CAMTA1: variants seen among roughly 807,000 people sequenced by gnomAD.
The protein encoded by CAMTA1 is calmodulin binding transcription activator 1, also known as calmodulin-binding transcription activator 1.
In CAMTA1, 27 loss-of-function variants were observed where a neutral mutation model predicts 170.9. The observed-to-expected ratio is 0.16, with a 90% CI of 0.12 to 0.22. The LOEUF is 0.22. Ranked by LOEUF, CAMTA1 falls within the 10% of genes least tolerant of loss-of-function variation. The pLI is 1.00. For synonymous variants in CAMTA1, 833 were observed against 891.5 expected (o/e 0.93, Z 1.17); for missense variants, 1,619 against 2,217.2 (o/e 0.73, Z 5.42).
At chr1:7,756,082 A>T (rs2150217407) in intron 22 of CAMTA1, among the ~76,000 whole-genome samples, 1 of 152,226 alleles carries the variant, frequency 6.6e-6, no homozygotes, top group Non-Finnish European at 1.5e-5. Flanking sequence ...TGCTTTGTCA[A>T]AATTTCTAAA....
chr1:6,882,558 C>T (rs1671911941), intron 3 of CAMTA1, among the ~76,000 whole-genome samples: 1 of 152,070 alleles, frequency 6.6e-6, no homozygotes, highest in South Asian at 2.1e-4. Flanking sequence ...TTACTGAGAT[C>T]AGGAAGACTG....
chr1:6,791,471 G>T (rs1231566578), intron 1 of CAMTA1, among the ~76,000 whole-genome samples: 1 of 152,086 alleles, frequency 6.6e-6, no homozygotes, highest in Admixed American at 6.5e-5. Flanking sequence ...GTAGGATTTT[G>T]GAAATTTTTT....
chr1:7,112,343 A>G (rs1411709959), intron 4 of CAMTA1, among the ~76,000 whole-genome samples: 1 of 152,200 alleles, frequency 6.6e-6, no homozygotes, highest in African/African-American at 2.4e-5. Flanking sequence ...AATAACACCC[A>G]TATTTCCATT....
At chr1:6,822,374 T>C (rs1646591639) in intron 2 of CAMTA1, among the ~76,000 whole-genome samples, 1 of 152,352 alleles carries the variant, frequency 6.6e-6, no homozygotes, top group South Asian at 2.1e-4. Flanking sequence ...ACTTCACCTG[T>C]AGAAACACTG....
At chr1:7,162,416 C>A in intron 4 of CAMTA1, among the ~76,000 whole-genome samples, 1 of 152,124 alleles carries the variant, frequency 6.6e-6, no homozygotes, top group East Asian at 1.9e-4. Flanking sequence ...CAGTTTTCAT[C>A]ATCCCCAAAG....
rs1023327275 is a variant in CAMTA1, at chr1:7,532,220, G to A, written c.510+64319G>A. ...TGTGGCCTTCGGATTCTTGGTGGAG[G>A]GGACATTCTTGCACACTAGTGCCCT... is the stretch of plus-strand genomic sequence containing the variant. On this transcript the variant is annotated intron_variant, in intron 6 of 22. Coordinates refer to ENST00000303635, the MANE Select transcript of CAMTA1 (RefSeq NM_015215.4). The surrounding 1 kb of genome is among the most constrained non-coding windows in gnomAD (Gnocchi z 4.2). 6.6e-6 allele frequency among the ~76,000 whole-genome samples: 1 copy of A among 152,196 alleles called. No individual in the cohort carries two copies. The highest frequency in any genetic ancestry group is 6.5e-5 in the Admixed American group (1 of 15,276).
At chr1:6,933,486 C>T (rs994904424) in intron 3 of CAMTA1, among the ~76,000 whole-genome samples, 4 of 152,140 alleles carry the variant, frequency 2.6e-5, no homozygotes, top group Non-Finnish European at 5.9e-5. Context: ...TCTGTAATTC[C>T]TGATCTCAAG....
At chr1:7,658,875 G>A (rs905022080) in intron 7 of CAMTA1, among the ~76,000 whole-genome samples, 1 of 152,210 alleles carries the variant, frequency 6.6e-6, no homozygotes, top group African/African-American at 2.4e-5. Flanking sequence ...CCTCCAGGGA[G>A]CCCAAGATGA....
intron 6 of CAMTA1, among the ~76,000 whole-genome samples, chr1:7,501,961 C>G (rs1387204436): frequency 1.3e-5 from 2 of 152,216 alleles, no homozygotes; most frequent in African/African-American, 4.8e-5. Context: ...TTGCAGCAAG[C>G]CTGAGTCTCT....
At chr1:7,223,069 C>G (rs1661088200) in intron 4 of CAMTA1, among the ~76,000 whole-genome samples, 1 of 152,258 alleles carries the variant, frequency 6.6e-6, no homozygotes, top group Admixed American at 6.5e-5. Context: ...TTCCTCTCGC[C>G]CTTGCGGGCC....
chr1:7,594,462 C>T (rs566256407), intron 6 of CAMTA1, among the ~76,000 whole-genome samples: 42 of 152,266 alleles, frequency 2.8e-4, no homozygotes, highest in African/African-American at 9.6e-4. Context: ...TTATTCAAAT[C>T]GCAGGGGATG....
At chr1:7,326,329 A>C (rs1458601088) in intron 5 of CAMTA1, among the ~76,000 whole-genome samples, 1 of 152,254 alleles carries the variant, frequency 6.6e-6, no homozygotes, top group Non-Finnish European at 1.5e-5. Context: ...GCAAAGCTGG[A>C]GAGATAAATG....
chr1:7,701,574 C>G (rs781138757), intron 11 of CAMTA1, among the ~76,000 whole-genome samples: 1 of 152,004 alleles, frequency 6.6e-6, no homozygotes, highest in South Asian at 2.1e-4. Flanking sequence ...CACCACCACA[C>G]CCCGCTAATT....
intron 22 of CAMTA1, among the ~76,000 whole-genome samples, chr1:7,759,339 G>C (rs139362970): frequency 1.7e-4 from 26 of 152,252 alleles, no homozygotes; most frequent in African/African-American, 5.8e-4. Context: ...AATACCACTT[G>C]TGTCTTGAAA....
intron 3 of CAMTA1, among the ~76,000 whole-genome samples, chr1:6,884,414 C>T (rs1229907727): frequency 6.6e-6 from 1 of 151,696 alleles, no homozygotes; most frequent in Admixed American, 6.6e-5. Flanking sequence ...TTTTTAGCCT[C>T]GTAGGCCAGG....
rs2096222054 is a variant in CAMTA1, at chr1:7,682,823, C to T, written c.2914+5090C>T. Reference sequence around the variant, plus strand: ...CAGATCCACCCAGCCCACCTCCGAGCAACCCTCAGCTGGCCCATGAACACA... The same window carrying T: ...CAGATCCACCCAGCCCACCTCCGAGTAACCCTCAGCTGGCCCATGAACACA... On this transcript the variant is annotated intron_variant, in intron 11 of 22. Coordinates refer to ENST00000303635, the MANE Select transcript of CAMTA1 (RefSeq NM_015215.4). This position sits in a 1 kb window ranked among gnomAD's most constrained non-coding sequence, Gnocchi z 5.0. Among the ~76,000 whole-genome samples, 1 of 152,202 alleles carries T rather than the reference C, an allele frequency of 6.6e-6. No homozygotes were observed. The highest frequency in any genetic ancestry group is 1.5e-5 in the Non-Finnish European group (1 of 68,030).
chr1:6,916,419 C>T (rs535345548), intron 3 of CAMTA1, among the ~76,000 whole-genome samples: 2 of 151,580 alleles, frequency 1.3e-5, no homozygotes, highest in Admixed American at 6.6e-5. Context: ...AACTGCTTTC[C>T]GAGTTTCTGC....
chr1:7,594,518 G>A (rs903664407), intron 6 of CAMTA1, among the ~76,000 whole-genome samples: 5 of 152,330 alleles, frequency 3.3e-5, no homozygotes, highest in African/African-American at 1.2e-4. Context: ...TGATTGATGT[G>A]TTTTAAAAGC....
chr1:7,692,118 G>A (rs1480245753), intron 11 of CAMTA1, among the ~76,000 whole-genome samples: 1 of 152,116 alleles, frequency 6.6e-6, no homozygotes, highest in Non-Finnish European at 1.5e-5. Context: ...GCTGGGTAGG[G>A]TGTCCAGGAC....
Sources: allele counts gnomAD v4.1 joint callset (sites outside exome capture counted in the v4.1 genomes callset), GRCh38; gene constraint gnomAD v4.1.1; non-coding constraint Gnocchi (gnomAD v3.1); transcripts MANE v1.5; gene names NCBI Gene and HGNC (gene_info 2026-07-23, HGNC 2026-07-21).